GTF3C5: variants seen among roughly 807,000 people sequenced by gnomAD.
GTF3C5 encodes general transcription factor IIIC subunit 5.
Under a neutral mutation model 61.0 loss-of-function variants are expected in GTF3C5, and 47 were observed. The observed-to-expected ratio is 0.77, with a 90% CI of 0.61 to 0.98. The LOEUF is 0.98. Among genes scored for constraint, GTF3C5 ranks in the 50% least tolerant of loss-of-function variants. The pLI, the probability that GTF3C5 is intolerant of heterozygous loss-of-function variation, is 0.00. For missense variants in GTF3C5, 659 were observed against 703.3 expected, an observed-to-expected ratio of 0.94 and a Z score of 0.71; for synonymous variants, 295 against 275.4, an observed-to-expected ratio of 1.07 and a Z score of -0.71.
chr9:133,043,834 C>T lies in GTF3C5; in HGVS notation c.480C>T (p.Phe160=). 1 of 1,614,108 alleles carries T rather than the reference C, an allele frequency of 6.2e-7. No homozygotes were observed. The highest frequency in any genetic ancestry group is 8.5e-7 in the Non-Finnish European group (1 of 1,179,944). ...TCCGGCCCGAGAAGGAGGCCTTTTTCCACCAGGAGCTGCCGCTCTACATCC... is the reference window on the plus strand; with the variant it reads ...TCCGGCCCGAGAAGGAGGCCTTTTTTCACCAGGAGCTGCCGCTCTACATCC... ...LMLRPEKEAF[F]HQELPLYIPP... The change falls in exon 3 of 11, where the codon TTC becomes TTT. Residue 160 remains phenylalanine, a synonymous_variant. Coordinates refer to ENST00000372097, the MANE Select transcript of GTF3C5 (RefSeq NM_012087.4).
At chr9:133,043,981 G>C in intron 3 of GTF3C5, 55 bp downstream of exon 3, 6 of 1,332,478 alleles carry the variant, frequency 4.5e-6, no homozygotes, top group African/African-American at 1.4e-5. Context: ...GGGATGGTCC[G>C]GGCACGGAGG....
At position 133,057,846 on chromosome 9, in the gene GTF3C5, G is replaced by A. The variant is rs539163950; in HGVS notation, c.1426G>A (p.Gly476Arg). 2.0e-4 allele frequency: 322 copies of A among 1,612,630 alleles called. No homozygotes were observed. The highest frequency in any genetic ancestry group is 2.6e-4 in the Non-Finnish European group (311 of 1,179,416). ...LFSSSAKADG[G>R]KEQLTYESGE... ...TTCCAGCTCAGCCAAGGCTGATGGCGGAAAAGAGCAGCTGACGTACGAGTC... is the reference window on the plus strand; with the variant it reads ...TTCCAGCTCAGCCAAGGCTGATGGCAGAAAAGAGCAGCTGACGTACGAGTC... The change falls in exon 11 of 11, where the codon GGA (glycine) becomes AGA (arginine). Residue 476 changes from glycine to arginine, a missense_variant. By Grantham distance (125) the Gly-to-Arg change is moderately radical. Transcript: ENST00000372097.
At chr9:133,055,229 G>A (rs532030226) in intron 8 of GTF3C5, 1,733 of 1,503,740 alleles carry the variant, frequency 1.2e-3, no homozygotes, top group Non-Finnish European at 1.4e-3. Flanking sequence ...CCGTCAGTGC[G>A]GTTGCCCAGC....
chr9:133,045,016 T>C (rs1349610734), intron 3 of GTF3C5, among the ~76,000 whole-genome samples: 3 of 152,210 alleles, frequency 2.0e-5, no homozygotes, highest in Admixed American at 2.0e-4. Flanking sequence ...TCAGCGGCTG[T>C]TGGAAAGGCA....
chr9:133,053,754 C>T (rs1454161226), intron 5 of GTF3C5, 74 bp from the exon 6 acceptor site: 5 of 892,168 alleles, frequency 5.6e-6, no homozygotes, highest in South Asian at 1.6e-5. Flanking sequence ...TCTGCTGCCT[C>T]ACTGTAGGCT....
At chr9:133,055,135 C>G (rs545900688) in intron 8 of GTF3C5, 2 of 1,547,740 alleles carry the variant, frequency 1.3e-6, no homozygotes, top group African/African-American at 1.4e-5. Context: ...CGGGAATGAT[C>G]GGAATTGGGC....
intron 8 of GTF3C5, 80 bp downstream of exon 8, chr9:133,054,889 G>C: frequency 6.5e-7 from 1 of 1,536,952 alleles, no homozygotes; most frequent in Admixed American, 2.0e-5. Flanking sequence ...CACCTGGGGG[G>C]CTGTGATTAG....
At chr9:133,053,126 C>T (rs1850436503) in intron 5 of GTF3C5, among the ~76,000 whole-genome samples, 1 of 152,208 alleles carries the variant, frequency 6.6e-6, no homozygotes, top group Non-Finnish European at 1.5e-5. Flanking sequence ...AGGCGAGAGC[C>T]ACTGCGGCTG....
At chr9:133,038,704 A>G (rs1385109398) in intron 1 of GTF3C5, among the ~76,000 whole-genome samples, 3 of 151,382 alleles carry the variant, frequency 2.0e-5, no homozygotes, top group Non-Finnish European at 4.4e-5. Flanking sequence ...TGATCCACCC[A>G]GCTCGGCCTC....
intron 5 of GTF3C5, among the ~76,000 whole-genome samples, chr9:133,052,487 G>C (rs1850413741): frequency 6.6e-6 from 1 of 151,408 alleles, no homozygotes; most frequent in African/African-American, 2.4e-5. Context: ...TGAGTCCAGG[G>C]CGCCCTCCAC....
In GTF3C5 at chr9:133,052,781, C is replaced by T. The variant is rs117439138; in HGVS notation, c.873+617C>T. Among the ~76,000 whole-genome samples, 365 of 152,232 alleles carry T rather than the reference C, an allele frequency of 2.4e-3. 7 individuals carry two copies. In the East Asian group the frequency reaches 0.059, roughly 25 times the overall value. On this transcript the variant is annotated intron_variant, in intron 5 of 10. Transcript: ENST00000372097. ...CATTTCTTCTGCCTTGTTGGACTTC[C>T]GGCTCAGGAGAGCGACCTGTGCTGC...
In GTF3C5 at chr9:133,057,896, GGAGGAGGAA is replaced by G. The variant is rs1829987635; in HGVS notation, c.1485_1493del (p.Glu497_Glu499del). 3 of 1,613,552 alleles carry G rather than the reference GGAGGAGGAA, an allele frequency of 1.9e-6. No individual in the cohort carries two copies. Among genetic ancestry groups the G allele is most frequent in the East Asian group, 4.5e-5 (2 of 44,848 alleles). On this transcript the variant is annotated inframe_deletion, in exon 11 of 11. Coordinates refer to ENST00000372097, the MANE Select transcript of GTF3C5 (RefSeq NM_012087.4). ...CTGGGGAAGACGAGGAGGATGAGGA[GGAGGAGGAA>G]GAGGAGGAGGAGGACTTCAAGCCAT...
intron 3 of GTF3C5, among the ~76,000 whole-genome samples, chr9:133,049,950 C>T (rs1256675384): frequency 1.3e-5 from 2 of 152,112 alleles, no homozygotes; most frequent in South Asian, 2.1e-4. Context: ...ACCCAGTGTC[C>T]GTAGTTGACA....
chr9:133,046,635 G>A (rs1056939185), intron 3 of GTF3C5, among the ~76,000 whole-genome samples: 1 of 152,212 alleles, frequency 6.6e-6, no homozygotes, highest in Admixed American at 6.5e-5. Flanking sequence ...GGACAGCACA[G>A]CAGCTGGGGT....
chr9:133,033,184 G>A (rs1483045148), intron 1 of GTF3C5, among the ~76,000 whole-genome samples: 2 of 152,110 alleles, frequency 1.3e-5, no homozygotes, highest in Non-Finnish European at 2.9e-5. Context: ...TTGATTACAA[G>A]CCTTAAATTC....
chr9:133,056,154 C>A (rs992666378), intron 9 of GTF3C5, 60 bp downstream of exon 9: 1 of 1,426,910 alleles, frequency 7.0e-7, no homozygotes, highest in South Asian at 1.2e-5. Context: ...GGGACCAAAG[C>A]GGTCTCTGAA....
chr9:133,057,944 A>G lies in GTF3C5; in HGVS notation c.1524A>G (p.Glu508=). 3 of 1,613,980 alleles carry G rather than the reference A, an allele frequency of 1.9e-6. No individual in the cohort carries two copies. Among genetic ancestry groups the G allele is most frequent in the Non-Finnish European group, 1.7e-6 (2 of 1,180,008 alleles). Residue 508 remains glutamate, a synonymous_variant, in exon 11 of 11, where the codon GAA becomes GAG. Coordinates refer to ENST00000372097, the MANE Select transcript of GTF3C5 (RefSeq NM_012087.4). ...ACTTCAAGCCATCCGACGGCAGTGA[A>G]AACGAAATGGAGACAGAGATTCTGG... ...EEDFKPSDGS[E]NEMETEILDY...
rs78770463 is a variant in GTF3C5, at chr9:133,051,213, C to T, written c.768+235C>T. On this transcript the variant is annotated intron_variant, in intron 4 of 10. Coordinates refer to ENST00000372097, the MANE Select transcript of GTF3C5 (RefSeq NM_012087.4). ...AGAGTTCTTAAGAAAAATATGCGTG[C>T]GTTGTTCAGATGTGACATAAACGTG... is the stretch of plus-strand genomic sequence containing the variant. Among the ~76,000 whole-genome samples, 359 of 152,326 alleles carry T rather than the reference C, an allele frequency of 2.4e-3. 2 individuals carry two copies. The East Asian group carries it at 0.027, about 12-fold the overall frequency.
intron 10 of GTF3C5, 115 bp from the exon 11 acceptor site, chr9:133,057,699 A>G (rs1829979834): frequency 1.1e-6 from 1 of 935,670 alleles, no homozygotes; most frequent in African/African-American, 1.7e-5. Flanking sequence ...GCTTCTTAAG[A>G]GCTCGAGCTC....
Sources: gnomAD v4.1 joint callset for allele counts (sites outside exome capture counted in the v4.1 genomes callset) on GRCh38, gnomAD v4.1.1 for gene constraint, MANE v1.5 for transcripts, NCBI Gene and HGNC (gene_info 2026-07-23, HGNC 2026-07-21) for gene names.